Variants in DNAH9 observed in about 807,000 individuals in gnomAD.
The protein encoded by DNAH9 is DNAH9 variant protein.
Under a neutral mutation model 471.6 loss-of-function variants are expected in DNAH9, and 345 were observed. That is an observed-to-expected ratio of 0.73 (90% CI 0.67 to 0.80). The LOEUF is 0.80. Ranked by LOEUF, DNAH9 falls within the 30% of genes least tolerant of loss-of-function variation. The pLI is 0.00. For missense variants in DNAH9, 5,407 were observed against 5,609.2 expected (o/e 0.96, Z 1.15); for synonymous variants, 2,093 against 2,123.6 (o/e 0.99, Z 0.40).
intron 36 of DNAH9, among the ~76,000 whole-genome samples, chr17:11,765,408 C>T (rs1967891554): frequency 6.6e-6 from 1 of 152,152 alleles, no homozygotes; most frequent in Non-Finnish European, 1.5e-5. Flanking sequence ...TTCTAGAAAT[C>T]CAAAATGAAA....
intron 1 of DNAH9, among the ~76,000 whole-genome samples, chr17:11,599,837 A>G (rs1265637781): frequency 2.6e-5 from 4 of 152,226 alleles, no homozygotes; most frequent in African/African-American, 9.6e-5. Flanking sequence ...GCTATAGGGA[A>G]TACCAAAGAA....
intron 9 of DNAH9, among the ~76,000 whole-genome samples, chr17:11,639,879 G>A (rs942849460): frequency 6.6e-6 from 1 of 152,298 alleles, no homozygotes; most frequent in African/African-American, 2.4e-5. Context: ...GTGGGTGCCT[G>A]CAAATCCCAG....
chr17:11,924,356 G>A (rs1001344597), intron 62 of DNAH9, among the ~76,000 whole-genome samples: 5 of 152,032 alleles, frequency 3.3e-5, no homozygotes, highest in East Asian at 3.9e-4. Context: ...TCTTCGTCAC[G>A]GGCATGACTA....
intron 32 of DNAH9, among the ~76,000 whole-genome samples, chr17:11,751,899 T>A (rs1967167268): frequency 1.3e-5 from 2 of 152,142 alleles, no homozygotes. Flanking sequence ...TAAAGGCAAC[T>A]GAACATAAAA....
chr17:11,740,407 C>T (rs1177419452), intron 29 of DNAH9, among the ~76,000 whole-genome samples: 2 of 152,160 alleles, frequency 1.3e-5, no homozygotes, highest in Non-Finnish European at 2.9e-5. Context: ...CACGGTCAGG[C>T]TCTGGTGAGG....
chr17:11,654,217 G>A (rs2073577606), intron 14 of DNAH9, among the ~76,000 whole-genome samples: 1 of 101,256 alleles, frequency 9.9e-6, no homozygotes, highest in South Asian at 3.4e-4. Context: ...TTAGCCGGGC[G>A]TGATGGCGGG....
chr17:11,907,518 C>T (rs983104024), intron 61 of DNAH9, among the ~76,000 whole-genome samples: 2 of 151,860 alleles, frequency 1.3e-5, no homozygotes, highest in African/African-American at 4.8e-5. Context: ...TGTAATGAGG[C>T]ATGTCTGACC....
Position 11,679,800 on chromosome 17 carries a change from T to A in DNAH9, c.3397T>A (p.Leu1133Ile). Residue 1133 changes from leucine to isoleucine, a missense_variant, in exon 18 of 69, where the codon TTA becomes ATA. By Grantham distance (5) the Leu-to-Ile change is conservative. Transcript: ENST00000262442. ...GTTTATAAAGAAGAGTGAGAGCGGC[T>A]TACTCAAGAAAGTTGAAAAAGGAGA... The part of the protein sequence containing the change: ...DAFIKKSESG[L>I]LKKVEKGDFQ... 10 of 1,614,120 alleles carry A rather than the reference T, an allele frequency of 6.2e-6. No individual in the cohort carries two copies. Among genetic ancestry groups the A allele is most frequent in the Non-Finnish European group, 7.6e-6 (9 of 1,180,010 alleles).
intron 48 of DNAH9, among the ~76,000 whole-genome samples, chr17:11,828,677 C>T (rs561380495): frequency 5.1e-4 from 77 of 152,200 alleles, no homozygotes; most frequent in African/African-American, 1.7e-3. Flanking sequence ...ACTCTTGCAG[C>T]GCCCCCAAAA....
At chr17:11,707,590 A>T (rs1339633274) in intron 26 of DNAH9, among the ~76,000 whole-genome samples, 1 of 151,376 alleles carries the variant, frequency 6.6e-6, no homozygotes, top group Non-Finnish European at 1.5e-5. Context: ...GGGAGAGGAG[A>T]GTCCGACTCG....
In DNAH9 at chr17:11,744,909, G is replaced by A. The variant is rs374209725; in HGVS notation, c.6224G>A (p.Arg2075Gln). ...GACCAGGTCCTGATGCGCTCCTTGC[G>A]GGATTTCAACATCCCCAAGATTGTG... is the stretch of plus-strand genomic sequence containing the variant. ...PEDQVLMRSL[R>Q]DFNIPKIVTD... is the part of the protein sequence containing the mutation. Residue 2075 changes from arginine to glutamine, a missense_variant, in exon 31 of 69, where the codon CGG becomes CAG. Arg to Gln is a conservative substitution (Grantham distance 43). Around this residue, in one of 3 missense-constraint regions of DNAH9, gnomAD observed 4,636 missense variants for 4,900.3 expected, o/e 0.95. Transcript: ENST00000262442. 40 of 1,614,046 alleles carry A rather than the reference G, an allele frequency of 2.5e-5. 1 individual carries two copies. Among genetic ancestry groups the A allele is most frequent in the East Asian group, 1.6e-4 (7 of 44,874 alleles).
chr17:11,869,025 C>A, intron 50 of DNAH9, 109 bp from the exon 51 acceptor site: 3 of 1,345,878 alleles, frequency 2.2e-6, no homozygotes, highest in Non-Finnish European at 3.1e-6. Context: ...AGGAATGCCC[C>A]CGCAGAGTGC....
chr17:11,619,643 C>G lies in DNAH9; in HGVS notation c.1212C>G (p.Phe404Leu). 1 of 1,614,026 alleles carries G rather than the reference C, an allele frequency of 6.2e-7. No homozygotes were observed. The highest frequency in any genetic ancestry group is 8.5e-7 in the Non-Finnish European group (1 of 1,179,892). ...TGGTCTCAGACACTTTGAGCTTCTT[C>G]AAGCAAGAGTTTCAGGACAGAAGGG... ...LQVVSDTLSF[F>L]KQEFQDRREN... The change falls in exon 6 of 69, where the codon TTC becomes TTG. Residue 404 changes from phenylalanine (F) to leucine (L), a missense_variant. Phe to Leu is a conservative substitution (Grantham distance 22, BLOSUM62 0). Transcript: ENST00000262442.
chr17:11,952,140 T>TTC (rs1491491577), intron 67 of DNAH9, among the ~76,000 whole-genome samples: 1 of 1,524 alleles, frequency 6.6e-4, no homozygotes, highest in East Asian at 0.17. Flanking sequence ...GCTATATTAC[T>TTC]TTTTTTTTTT....
chr17:11,736,402 G>A (rs879624393), intron 28 of DNAH9, among the ~76,000 whole-genome samples: 3 of 152,158 alleles, frequency 2.0e-5, no homozygotes, highest in South Asian at 2.1e-4. Context: ...GTTGCCAAAC[G>A]ACCTGTGTGT....
At chr17:11,866,280 C>T (rs941570111) in intron 50 of DNAH9, among the ~76,000 whole-genome samples, 48 of 152,276 alleles carry the variant, frequency 3.2e-4, no homozygotes, top group Admixed American at 3.1e-3. Flanking sequence ...GCTGGAGGTC[C>T]ACTCCAGACC....
chr17:11,879,890 T>A (rs1049333198), intron 53 of DNAH9, among the ~76,000 whole-genome samples, 188 bp from the exon 54 acceptor site: 4 of 152,222 alleles, frequency 2.6e-5, no homozygotes, highest in Non-Finnish European at 4.4e-5. Context: ...TCCCTATTTC[T>A]AAAAGTGTAT....
At chr17:11,605,676 T>TTTTC (rs1211067377) in intron 1 of DNAH9, among the ~76,000 whole-genome samples, 1 of 150,220 alleles carries the variant, frequency 6.7e-6, no homozygotes, top group African/African-American at 2.5e-5. Flanking sequence ...ATTTTTCTAT[T>TTTTC]TTTTTTTTTG....
In DNAH9 at chr17:11,774,875, C is replaced by T. The variant is rs771162865; in HGVS notation, c.7552+5546C>T. ...AAAAAAAACTATATTGAGTTATAAT[C>T]GACATACAATAAACTGTACATATTT... On this transcript the variant is annotated intron_variant, in intron 38 of 68. Transcript: ENST00000262442. Among the ~76,000 whole-genome samples, 37 of 152,056 alleles carry T rather than the reference C, an allele frequency of 2.4e-4. 1 individual carries two copies. The highest frequency in any genetic ancestry group is 8.4e-4 in the African/African-American group (35 of 41,464).
Sources: gnomAD v4.1 joint callset for allele counts (sites outside exome capture counted in the v4.1 genomes callset) on GRCh38, gnomAD v4.1.1 for gene constraint, gnomAD v4.1.1 regional missense constraint, MANE v1.5 for transcripts, NCBI Gene and HGNC (gene_info 2026-07-23, HGNC 2026-07-21) for gene names.